The following DYSF variants were observed in gnomAD, a reference collection of about 807,000 sequenced individuals.
DYSF encodes the protein dysferlin.
In DYSF, 212 loss-of-function variants were observed where a neutral mutation model predicts 274.9. The observed-to-expected ratio is 0.77, with a 90% CI of 0.69 to 0.86. The LOEUF is 0.86. DYSF is among the 40% of genes least tolerant of loss of function. The probability of loss-of-function intolerance (pLI) is 0.00; values close to 1 mark genes in which losing one functional copy is unlikely to be tolerated. For missense variants in DYSF, 2,666 were observed against 2,783.2 expected (o/e 0.96, Z 0.95); for synonymous variants, 1,091 against 1,078.7 (o/e 1.01, Z -0.22).
chr2:71,526,410 G>C, intron 13 of DYSF, 64 bp downstream of exon 13: 2 of 1,463,014 alleles, frequency 1.4e-6, no homozygotes. Flanking sequence ...GCTGGTGGGG[G>C]TGGGCGATGG....
chr2:71,546,613 G>A (rs1299455367), intron 17 of DYSF, among the ~76,000 whole-genome samples: 1 of 152,238 alleles, frequency 6.6e-6, no homozygotes, highest in Non-Finnish European at 1.5e-5. Context: ...ACAGGCACGT[G>A]AGCTCTGTGA....
At chr2:71,477,063 G>A (rs929921157) in intron 1 of DYSF, among the ~76,000 whole-genome samples, 4 of 152,118 alleles carry the variant, frequency 2.6e-5, no homozygotes, top group Non-Finnish European at 4.4e-5. Flanking sequence ...AGTACTGAAA[G>A]TGTTACTCCC....
intron 19 of DYSF, among the ~76,000 whole-genome samples, chr2:71,552,044 G>A (rs2090988604): frequency 6.6e-6 from 1 of 152,208 alleles, no homozygotes; most frequent in African/African-American, 2.4e-5. Flanking sequence ...CACTGAACAT[G>A]TATCAGGCAC....
intron 14 of DYSF, among the ~76,000 whole-genome samples, chr2:71,532,300 A>C (rs572245001): frequency 1.3e-5 from 2 of 152,288 alleles, no homozygotes; most frequent in East Asian, 3.9e-4. Flanking sequence ...AAGTTTCTAG[A>C]ATTGGGGCTG....
Position 71,589,595 on chromosome 2 carries a change from CG to C in DYSF, c.3407del (p.Gly1136AlafsTer2), listed in dbSNP as rs1346275404. The C allele has an allele frequency of 6.2e-7, 1 of 1,613,840 alleles. No homozygotes were observed. Among genetic ancestry groups the C allele is most frequent in the Non-Finnish European group, 8.5e-7 (1 of 1,179,934 alleles). ...CATAACCAGCTTCGTGTCTCCAGGG[CG>C]GCGTGATGGATGACAAGAGTGAAGA... ...AVFALEGALG[G>X]VMDDKSEDSM... is the part of the protein sequence containing the mutation. On this transcript the variant is annotated frameshift_variant, in exon 31 of 56. Transcript: ENST00000410020. LOFTEE classifies it high-confidence loss of function.
chr2:71,683,538 A>G (rs771436445), intron 55 of DYSF, among the ~76,000 whole-genome samples: 1 of 152,240 alleles, frequency 6.6e-6, no homozygotes, highest in Non-Finnish European at 1.5e-5. Flanking sequence ...TTAATATGAA[A>G]ACTCCAACCC....
chr2:71,588,366 C>T (rs2093143883), intron 30 of DYSF, among the ~76,000 whole-genome samples: 1 of 152,078 alleles, frequency 6.6e-6, no homozygotes, highest in Non-Finnish European at 1.5e-5. Flanking sequence ...TCTAGGGAGG[C>T]TTCTTGGACA....
At chr2:71,636,147 G>C (rs1420331554) in intron 41 of DYSF, among the ~76,000 whole-genome samples, 3 of 152,170 alleles carry the variant, frequency 2.0e-5, no homozygotes, top group Non-Finnish European at 4.4e-5. Context: ...AGGTCAGGGA[G>C]GTGTGAGGGC....
intron 29 of DYSF, chr2:71,570,944 A>C: frequency 1.5e-6 from 1 of 665,878 alleles, no homozygotes; most frequent in East Asian, 2.8e-5. Context: ...CACCCAGCAT[A>C]CCCAAAGATC....
chr2:71,600,663 T>G, intron 33 of DYSF, 39 bp from the exon 34 acceptor site: 1 of 1,613,638 alleles, frequency 6.2e-7, no homozygotes. Flanking sequence ...GAGCCCTGGG[T>G]AAGGGATGCT....
At chr2:71,535,432 A>G (rs546758763) in intron 16 of DYSF, 121 bp downstream of exon 16, 2 of 1,089,466 alleles carry the variant, frequency 1.8e-6, no homozygotes, top group South Asian at 2.5e-5. Context: ...AGGTGAGGTA[A>G]TGTCCCCTTG....
At chr2:71,558,931 A>C (rs1357527463) in intron 22 of DYSF, among the ~76,000 whole-genome samples, 1 of 152,108 alleles carries the variant, frequency 6.6e-6, no homozygotes. Flanking sequence ...AGTGCTGAGC[A>C]CCATCACAGC....
At chr2:71,665,093 C>T (rs1050985999) in intron 46 of DYSF, 69 bp from the exon 47 acceptor site, 15 of 1,607,464 alleles carry the variant, frequency 9.3e-6, no homozygotes, top group East Asian at 2.2e-5. Context: ...TACACCAGTC[C>T]CTGCATGCCC....
intron 1 of DYSF, among the ~76,000 whole-genome samples, chr2:71,456,230 C>T (rs556891044): frequency 6.6e-6 from 1 of 152,152 alleles, no homozygotes; most frequent in Non-Finnish European, 1.5e-5. Context: ...TGTGCCAATC[C>T]GTCATGAGCC....
chr2:71,515,873 A>G, intron 8 of DYSF, 122 bp downstream of exon 8: 1 of 1,426,594 alleles, frequency 7.0e-7, no homozygotes, highest in Non-Finnish European at 9.5e-7. Flanking sequence ...GGGTGGTGAG[A>G]TGTGCTGGCT....
At chr2:71,510,501 G>C (rs1462897799) in intron 4 of DYSF, among the ~76,000 whole-genome samples, 1 of 152,188 alleles carries the variant, frequency 6.6e-6, no homozygotes, top group Non-Finnish European at 1.5e-5. Flanking sequence ...TGGGTCTCCT[G>C]GGATGCTGAG....
chr2:71,577,182 A>G (rs560412125), intron 30 of DYSF: 2 of 152,316 alleles, frequency 1.3e-5, no homozygotes, highest in African/African-American at 4.9e-5. Flanking sequence ...TGTCTGGAAG[A>G]CTCTATACCT....
At chr2:71,462,902 G>C (rs908431155), upstream of DYSF, among the ~76,000 whole-genome samples, 2 of 152,192 alleles carry the variant, frequency 1.3e-5, no homozygotes, top group African/African-American at 4.8e-5. Flanking sequence ...TGTGCTGTTT[G>C]GTCCATGGGT....
intron 12 of DYSF, among the ~76,000 whole-genome samples, chr2:71,523,039 A>C (rs530782348): frequency 6.6e-6 from 1 of 152,354 alleles, no homozygotes; most frequent in Non-Finnish European, 1.5e-5. Flanking sequence ...TGCCCCAAAT[A>C]ATAGGCATTA....
Sources: gnomAD v4.1 joint callset for allele counts (sites outside exome capture counted in the v4.1 genomes callset) on GRCh38, gnomAD v4.1.1 for gene constraint, MANE v1.5 for transcripts, NCBI Gene and HGNC (gene_info 2026-07-23, HGNC 2026-07-21) for gene names.